Variants in ADORA2B observed in about 807,000 individuals in gnomAD.
The protein encoded by ADORA2B is adenosine A2b receptor, also known as adenosine receptor A2b.
Under a neutral mutation model 20.8 loss-of-function variants are expected in ADORA2B, and 18 were observed. The observed-to-expected ratio is 0.87, with a 90% confidence interval of 0.60 to 1.29. The LOEUF is 1.29. Among genes scored for constraint, ADORA2B ranks in the 50% most tolerant of loss-of-function variants. The pLI is 0.00. For missense variants in ADORA2B, 441 were observed against 422.7 expected (o/e 1.04, Z -0.38); for synonymous variants, 179 against 178.3 (o/e 1.00, Z -0.03).
At chr17:15,944,290 G>A (rs1969770000), upstream of ADORA2B, among the ~76,000 whole-genome samples, 1 of 152,166 alleles carries the variant, frequency 6.6e-6, no homozygotes, top group Admixed American at 6.5e-5. The surrounding 1 kb of genome is among the most constrained non-coding windows in gnomAD (Gnocchi z 4.8). Context: ...GCAGTGGGGT[G>A]TTAGGATCTG....
chr17:15,871,361 A>T, the ADORA2B span, among the ~76,000 whole-genome samples: 2 of 152,190 alleles, frequency 1.3e-5, no homozygotes, highest in Non-Finnish European at 2.9e-5. Context: ...AATAAAACTG[A>T]GTAAGATCAC....
At chr17:15,907,693 A>G in the ADORA2B span, among the ~76,000 whole-genome samples, 2 of 152,176 alleles carry the variant, frequency 1.3e-5, no homozygotes, top group African/African-American at 2.4e-5. Context: ...AACACATTAA[A>G]TGGTAACACT....
At position 15,964,873 on chromosome 17, in the gene ADORA2B, A is replaced by G. The variant is rs535982355; in HGVS notation, c.336-9806A>G. ...TCAGGAGATCGAGACCATCCTGGCTAACACGGTGAAACCCCGTCTCTACTA... is the reference window on the plus strand; with the variant it reads ...TCAGGAGATCGAGACCATCCTGGCTGACACGGTGAAACCCCGTCTCTACTA... On this transcript the variant is annotated intron_variant, in intron 1 of 1. Coordinates refer to ENST00000304222, the MANE Select transcript of ADORA2B (RefSeq NM_000676.4). Among the ~76,000 whole-genome samples, 15 of 152,158 alleles carry G rather than the reference A, an allele frequency of 9.9e-5. No homozygotes were observed. In the East Asian group the frequency reaches 1.4e-3, roughly 14 times the overall value.
the ADORA2B span, among the ~76,000 whole-genome samples, chr17:15,867,549 C>T: frequency 1.3e-5 from 2 of 149,652 alleles, no homozygotes; most frequent in African/African-American, 5.0e-5. Context: ...CTCCGCCCGG[C>T]AGCCACCCCG....
chr17:15,853,283 A>G, the ADORA2B span, among the ~76,000 whole-genome samples: 1 of 152,246 alleles, frequency 6.6e-6, no homozygotes, highest in African/African-American at 2.4e-5. Flanking sequence ...TTCAAAGGTG[A>G]ACACAAAAGG....
At chr17:15,967,042 A>T (rs766932943) in intron 1 of ADORA2B, among the ~76,000 whole-genome samples, 1 of 152,050 alleles carries the variant, frequency 6.6e-6, no homozygotes, top group Non-Finnish European at 1.5e-5. Context: ...GAGCACAGGG[A>T]GGGAGGCAGA....
At chr17:15,875,236 C>T in the ADORA2B span, among the ~76,000 whole-genome samples, 5 of 152,248 alleles carry the variant, frequency 3.3e-5, no homozygotes, top group African/African-American at 9.6e-5. Flanking sequence ...GCTCTGCTTC[C>T]CGCTCCCCAT....
chr17:15,886,709 G>A, the ADORA2B span, among the ~76,000 whole-genome samples: 5 of 130,856 alleles, frequency 3.8e-5, 1 homozygote, highest in Non-Finnish European at 8.1e-5. Context: ...GCAGAAGAAA[G>A]GAGAGGAAGA....
chr17:15,897,894 A>G, the ADORA2B span, among the ~76,000 whole-genome samples: 4 of 152,204 alleles, frequency 2.6e-5, no homozygotes, highest in Non-Finnish European at 5.9e-5. Flanking sequence ...TTCTGAAACA[A>G]TAGACAGTTT....
the ADORA2B span, among the ~76,000 whole-genome samples, chr17:15,879,231 G>A: frequency 2.1e-4 from 32 of 152,190 alleles, no homozygotes; most frequent in South Asian, 6.2e-4. Flanking sequence ...TGGGAGAATC[G>A]CTTGAGGCCA....
In ADORA2B at chr17:15,974,933, T is replaced by C. The variant is rs776840698; in HGVS notation, c.590T>C (p.Ile197Thr). 21 of 1,614,038 alleles carry C rather than the reference T, an allele frequency of 1.3e-5. No individual in the cohort carries two copies. Among genetic ancestry groups the C allele is most frequent in the Middle Eastern group, 1.6e-4 (1 of 6,084 alleles). ...GGGTGTGTTCTGCCCCCACTGCTTA[T>C]AATGCTGGTGATCTACATTAAGATC... ...FFGCVLPPLL[I>T]MLVIYIKIFL... is the part of the protein sequence containing the mutation. The change falls in exon 2 of 2, where the codon ATA becomes ACA. Residue 197 changes from isoleucine (I) to threonine (T), a missense_variant. Physicochemically the swap from Ile to Thr is moderately conservative, Grantham distance 89. Transcript: ENST00000304222.
intron 1 of ADORA2B, among the ~76,000 whole-genome samples, chr17:15,960,747 G>A (rs1262588553): frequency 2.0e-5 from 3 of 150,904 alleles, no homozygotes. Context: ...ATGGTGGTGG[G>A]TGCCTGTAGT....
In ADORA2B at chr17:15,975,100, G is replaced by A. The variant is rs1182844044; in HGVS notation, c.757G>A (p.Val253Ile). 2 of 1,614,170 alleles carry A rather than the reference G, an allele frequency of 1.2e-6. No individual in the cohort carries two copies. The highest frequency in any genetic ancestry group is 1.7e-6 in the Non-Finnish European group (2 of 1,180,032). ...CCTGTGCTGGTTACCTGTGCATGCT[G>A]TTAACTGTGTCACTCTTTTCCAGCC... ...FALCWLPVHA[V>I]NCVTLFQPAQ... Residue 253 changes from valine (V) to isoleucine (I), a missense_variant, in exon 2 of 2, where the codon GTT becomes ATT. Val to Ile is a conservative substitution (Grantham distance 29). Transcript: ENST00000304222.
At chr17:15,946,040 G>A (rs1456868789) in intron 1 of ADORA2B, among the ~76,000 whole-genome samples, 1 of 152,142 alleles carries the variant, frequency 6.6e-6, no homozygotes, top group East Asian at 1.9e-4. Context: ...GGCTCCCGGA[G>A]GCCCGGGAGG....
chr17:15,950,960 T>C (rs1969893786), intron 1 of ADORA2B, among the ~76,000 whole-genome samples: 1 of 152,362 alleles, frequency 6.6e-6, no homozygotes, highest in Middle Eastern at 3.4e-3. Flanking sequence ...GTGCTAGCCT[T>C]GTGGGCAGGG....
chr17:15,865,664 C>T, the ADORA2B span, among the ~76,000 whole-genome samples: 1 of 151,998 alleles, frequency 6.6e-6, no homozygotes, highest in Non-Finnish European at 1.5e-5. Context: ...TTTCCTACAA[C>T]TTTCCCATCA....
chr17:15,872,006 G>A, the ADORA2B span, among the ~76,000 whole-genome samples: 3 of 152,292 alleles, frequency 2.0e-5, no homozygotes, highest in South Asian at 6.2e-4. Flanking sequence ...GTGATGCCAG[G>A]TGAAAGAGCT....
intron 1 of ADORA2B, among the ~76,000 whole-genome samples, chr17:15,973,562 T>C (rs1216197065): frequency 6.6e-6 from 1 of 152,232 alleles, no homozygotes; most frequent in Non-Finnish European, 1.5e-5. Context: ...GCCTGAGCTC[T>C]GCATCCTGTC....
the ADORA2B span, among the ~76,000 whole-genome samples, chr17:15,927,962 AC>A: frequency 1.3e-5 from 2 of 152,034 alleles, no homozygotes; most frequent in African/African-American, 4.8e-5. Flanking sequence ...AACTGGGACT[AC>A]AGCGCCCGCC....
Sources: gnomAD v4.1 joint callset for allele counts (sites outside exome capture counted in the v4.1 genomes callset) on GRCh38, gnomAD v4.1.1 for gene constraint, Gnocchi (gnomAD v3.1) non-coding constraint, MANE v1.5 for transcripts, NCBI Gene and HGNC (gene_info 2026-07-23, HGNC 2026-07-21) for gene names.